Variants in MYO1D observed in about 807,000 individuals in gnomAD.
The protein encoded by MYO1D is myosin ID, also known as unconventional myosin-Id.
MYO1D carries 83 observed loss-of-function variants against 122.0 expected under a neutral mutation model. The observed-to-expected ratio is 0.68, with a 90% CI of 0.57 to 0.82. The LOEUF is 0.82. MYO1D is among the 40% of genes least tolerant of loss of function. MYO1D has a pLI of 0.00. For missense variants in MYO1D, 1,157 were observed against 1,269.5 expected, an observed-to-expected ratio of 0.91 and a Z score of 1.35; for synonymous variants, 464 against 446.9, an observed-to-expected ratio of 1.04 and a Z score of -0.48.
chr17:32,804,692 T>C (rs540930592), intron 1 of MYO1D, among the ~76,000 whole-genome samples: 125 of 152,324 alleles, frequency 8.2e-4, no homozygotes, highest in African/African-American at 2.9e-3. Context: ...TTATATTCTC[T>C]AATAGTTCCT....
In MYO1D at chr17:32,745,250, T is replaced by C; in HGVS notation, c.1574A>G (p.Asp525Gly). 6.5e-7 allele frequency: 1 copy of C among 1,548,060 alleles called. No homozygotes were observed. The highest frequency in any genetic ancestry group is 8.9e-7 in the Non-Finnish European group (1 of 1,125,910). ...SVIGFIDKNK[D>G]TLFQDFKRLM... ...GCGCTTGAAATCTTGAAATAAAGTA[T>C]CTTTATTTTTGTCAATAAAACCAAT... Residue 525 changes from aspartate to glycine, a missense_variant, in exon 13 of 22, where the codon GAT (aspartate) becomes GGT (glycine). Physicochemically the swap from Asp to Gly is moderately conservative, Grantham distance 94 (BLOSUM62 -1). Transcript: ENST00000318217.
intron 21 of MYO1D, among the ~76,000 whole-genome samples, chr17:32,519,824 TAA>T (rs1170760765): frequency 6.6e-6 from 1 of 151,118 alleles, no homozygotes. Flanking sequence ...AGGATCAATA[TAA>T]GACAAAAACA....
chr17:32,769,559 T>G (rs2090093348), intron 6 of MYO1D, among the ~76,000 whole-genome samples: 1 of 152,040 alleles, frequency 6.6e-6, no homozygotes, highest in South Asian at 2.1e-4. Context: ...GTGCAATACT[T>G]AATAGTTATA....
rs530358665 is a variant in MYO1D at position 32,800,224 on chromosome 17, G to GATCA, written c.96-19444_96-19441dup. Among the ~76,000 whole-genome samples, 3 of 152,204 alleles carry GATCA rather than the reference G, an allele frequency of 2.0e-5. No homozygotes were observed. The East Asian group carries it at 5.8e-4, about 29-fold the overall frequency. ...AAGGAATTAAAATCACTATGTCAAA[G>GATCA]ATCAGTCTGCACTCTCAATCACTGC... On this transcript the variant is annotated intron_variant, in intron 1 of 21. Coordinates refer to ENST00000318217, the MANE Select transcript of MYO1D (RefSeq NM_015194.3).
At chr17:32,685,694 A>G (rs924982716) in intron 16 of MYO1D, among the ~76,000 whole-genome samples, 2 of 152,238 alleles carry the variant, frequency 1.3e-5, no homozygotes, top group African/African-American at 4.8e-5. Context: ...ACCATCAAAT[A>G]AGAACTATAG....
chr17:32,750,593 C>A (rs1387600009), intron 11 of MYO1D, among the ~76,000 whole-genome samples: 1 of 151,786 alleles, frequency 6.6e-6, no homozygotes, highest in Non-Finnish European at 1.5e-5. Context: ...CCAGCCTGGG[C>A]GACAAGAGCA....
chr17:32,856,596 C>A (rs1419747433), intron 1 of MYO1D, among the ~76,000 whole-genome samples: 1 of 151,984 alleles, frequency 6.6e-6, no homozygotes, highest in African/African-American at 2.4e-5. Context: ...CCTCTTCATC[C>A]TTCTCTTCCT....
chr17:32,573,507 G>A (rs991255326), intron 21 of MYO1D, among the ~76,000 whole-genome samples: 2 of 151,866 alleles, frequency 1.3e-5, no homozygotes, highest in African/African-American at 4.8e-5. Flanking sequence ...GAAAGGCTCT[G>A]ACTGTGCTGT....
At chr17:32,822,619 G>T (rs1598129289) in intron 1 of MYO1D, among the ~76,000 whole-genome samples, 1 of 148,824 alleles carries the variant, frequency 6.7e-6, no homozygotes, top group Non-Finnish European at 1.5e-5. Flanking sequence ...CCCGTGGCCC[G>T]CCGGCCCCCG....
chr17:32,787,136 GAA>G (rs1471315702), intron 1 of MYO1D, among the ~76,000 whole-genome samples: 1 of 151,326 alleles, frequency 6.6e-6, no homozygotes, highest in Non-Finnish European at 1.5e-5. Context: ...AAAAAAACCA[GAA>G]GAGAGAAAAA....
intron 14 of MYO1D, among the ~76,000 whole-genome samples, chr17:32,734,325 C>T (rs1391449336): frequency 6.6e-6 from 1 of 152,034 alleles, no homozygotes; most frequent in Non-Finnish European, 1.5e-5. Flanking sequence ...TTAAAAAAAT[C>T]TCCATAATGT....
chr17:32,796,057 A>G (rs2090413648), intron 1 of MYO1D, among the ~76,000 whole-genome samples: 1 of 152,182 alleles, frequency 6.6e-6, no homozygotes, highest in South Asian at 2.1e-4. Context: ...AAACCAAAAC[A>G]TGAGAATGAA....
intron 1 of MYO1D, among the ~76,000 whole-genome samples, chr17:32,808,072 T>TG (rs1214506339): frequency 6.6e-6 from 1 of 152,068 alleles, no homozygotes; most frequent in Non-Finnish European, 1.5e-5. Context: ...AGCATTTCTG[T>TG]GGGGGAAAAT....
intron 16 of MYO1D, among the ~76,000 whole-genome samples, chr17:32,685,991 C>A (rs141054512): frequency 6.6e-6 from 1 of 152,268 alleles, no homozygotes; most frequent in African/African-American, 2.4e-5. Context: ...TTATATCCAC[C>A]AAGTTTTAGA....
intron 1 of MYO1D, among the ~76,000 whole-genome samples, chr17:32,854,769 T>A (rs1013123623): frequency 6.6e-6 from 1 of 151,996 alleles, no homozygotes; most frequent in Non-Finnish European, 1.5e-5. Flanking sequence ...AAACACAGGG[T>A]AAAGGTTGAA....
At chr17:32,623,309 C>T (rs954177701) in intron 20 of MYO1D, among the ~76,000 whole-genome samples, 6 of 152,154 alleles carry the variant, frequency 3.9e-5, no homozygotes, top group African/African-American at 1.2e-4. Flanking sequence ...AGAACTTCAT[C>T]GTAACAATTC....
intron 19 of MYO1D, among the ~76,000 whole-genome samples, chr17:32,651,211 G>T (rs1302071855): frequency 1.3e-5 from 2 of 152,204 alleles, no homozygotes; most frequent in Non-Finnish European, 2.9e-5. Flanking sequence ...GGTGTGAACA[G>T]GCACTACTTG....
rs1184411299 is a variant in MYO1D at position 32,682,506 on chromosome 17, T to C, written c.2122-23168A>G. Among the ~76,000 whole-genome samples the C allele has an allele frequency of 3.3e-5, 5 of 151,592 alleles. No homozygotes were observed. The East Asian group carries it at 5.8e-4, about 18-fold the overall frequency. On this transcript the variant is annotated intron_variant, in intron 16 of 21. Coordinates refer to ENST00000318217, the MANE Select transcript of MYO1D (RefSeq NM_015194.3). ...TAAAGGATTTTATTTCTCCTTCACT[T>C]ATGAAGCTTAGTTTGGCTGGATATG...
At chr17:32,691,767 T>C (rs1195824418) in intron 16 of MYO1D, among the ~76,000 whole-genome samples, 2 of 152,208 alleles carry the variant, frequency 1.3e-5, no homozygotes, top group African/African-American at 4.8e-5. Flanking sequence ...TTAGTATTAA[T>C]TTCTAGAGGT....
Sources: allele counts gnomAD v4.1 joint callset (sites outside exome capture counted in the v4.1 genomes callset), GRCh38; gene constraint gnomAD v4.1.1; transcripts MANE v1.5; gene names NCBI Gene and HGNC (gene_info 2026-07-23, HGNC 2026-07-21).